The following UHRF2 variants were observed in gnomAD, a reference collection of about 807,000 sequenced individuals.
UHRF2 encodes ubiquitin like with PHD and ring finger domains 2, also known as E3 ubiquitin-protein ligase UHRF2.
In UHRF2, 23 loss-of-function variants were observed where a neutral mutation model predicts 96.8. That is an observed-to-expected ratio of 0.24 (90% CI 0.17 to 0.34). The LOEUF is 0.34. UHRF2 is among the 10% of genes least tolerant of loss of function. The pLI is 1.00. For missense variants in UHRF2, 685 were observed against 981.5 expected, an observed-to-expected ratio of 0.70 and a Z score of 4.04; for synonymous variants, 385 against 332.6, an observed-to-expected ratio of 1.16 and a Z score of -1.72.
chr9:6,458,508 C>G (rs1165352526), intron 3 of UHRF2, among the ~76,000 whole-genome samples: 4 of 150,564 alleles, frequency 2.7e-5, no homozygotes, highest in Non-Finnish European at 5.9e-5. Context: ...GTTCTGCTCT[C>G]ATCTTAGTTA....
chr9:6,476,290 T>C (rs1929932), intron 5 of UHRF2, among the ~76,000 whole-genome samples: 3 of 152,248 alleles, frequency 2.0e-5, no homozygotes, highest in Admixed American at 2.0e-4. Flanking sequence ...ATGCGTTTCT[T>C]GCTGTTTCTT....
At chr9:6,446,777 G>A (rs887454510) in intron 3 of UHRF2, among the ~76,000 whole-genome samples, 1 of 151,952 alleles carries the variant, frequency 6.6e-6, no homozygotes, top group African/African-American at 2.4e-5. Context: ...CCCAAGAAGT[G>A]GGGATTACAG....
chr9:6,429,224 C>G (rs1820439637), intron 2 of UHRF2, among the ~76,000 whole-genome samples: 1 of 151,914 alleles, frequency 6.6e-6, no homozygotes, highest in Admixed American at 6.6e-5. Flanking sequence ...GTTGGAGAAC[C>G]TGTATTCTCA....
At chr9:6,448,714 G>A (rs1018924067) in intron 3 of UHRF2, among the ~76,000 whole-genome samples, 2 of 152,198 alleles carry the variant, frequency 1.3e-5, no homozygotes, top group African/African-American at 4.8e-5. Context: ...AAATGTGGAG[G>A]TAAATAAGAT....
intron 11 of UHRF2, among the ~76,000 whole-genome samples, chr9:6,497,588 T>A (rs554724574): frequency 2.8e-4 from 43 of 151,620 alleles, no homozygotes; most frequent in Admixed American, 2.0e-3. Flanking sequence ...TTTTTTTTTT[T>A]AAAATGTAAG....
At chr9:6,501,661 G>C (rs761444341) in intron 14 of UHRF2, among the ~76,000 whole-genome samples, 2 of 152,164 alleles carry the variant, frequency 1.3e-5, no homozygotes, top group Non-Finnish European at 2.9e-5. Flanking sequence ...GCAAAATGAA[G>C]CTTACATGTT....
intron 14 of UHRF2, among the ~76,000 whole-genome samples, chr9:6,501,623 A>G (rs1040705610): frequency 1.3e-5 from 2 of 152,196 alleles, no homozygotes; most frequent in Non-Finnish European, 2.9e-5. Flanking sequence ...TCCTTTGTCT[A>G]TAAATGTGAT....
chr9:6,413,358 C>T lies in UHRF2; in HGVS notation c.-133C>T, dbSNP rs1391509640. 4.4e-6 allele frequency: 4 copies of T among 917,444 alleles called. No individual in the cohort carries two copies. The highest frequency in any genetic ancestry group is 4.9e-5 in the East Asian group (1 of 20,518). The allele number at this position is 917,444 out of a possible 1,614,324, so 56.8% of individuals were successfully genotyped here. ...CCGCCTGTCGGGCCCGGCGTCCGGT[C>T]GGTCCGGTGGGCGCGCTCGCCCGCC... On this transcript the variant is annotated 5_prime_UTR_variant, in exon 1 of 16. Coordinates refer to ENST00000276893, the MANE Select transcript of UHRF2 (RefSeq NM_152896.3).
intron 8 of UHRF2, among the ~76,000 whole-genome samples, chr9:6,486,071 G>A (rs1824273484): frequency 6.6e-6 from 1 of 152,132 alleles, no homozygotes; most frequent in African/African-American, 2.4e-5. Flanking sequence ...ATAGATAGGA[G>A]CCATATTTAG....
chr9:6,468,534 C>G (rs928017290), intron 4 of UHRF2: 4 of 455,962 alleles, frequency 8.8e-6, no homozygotes, highest in African/African-American at 2.0e-5. Flanking sequence ...CCTAGGGAAT[C>G]TGCTAATTCT....
At chr9:6,485,743 T>G (rs892334941) in intron 8 of UHRF2, among the ~76,000 whole-genome samples, 1 of 141,552 alleles carries the variant, frequency 7.1e-6, no homozygotes, top group African/African-American at 2.6e-5. Context: ...GCTGGAGGAT[T>G]GCTTGAGCCC....
chr9:6,458,304 T>G (rs575831693), intron 3 of UHRF2, among the ~76,000 whole-genome samples: 119 of 152,280 alleles, frequency 7.8e-4, no homozygotes, highest in Non-Finnish European at 1.4e-3. Flanking sequence ...TATTCTCTGA[T>G]GGTAGTTTGT....
intron 3 of UHRF2, among the ~76,000 whole-genome samples, chr9:6,448,405 T>C (rs913628877): frequency 2.6e-5 from 4 of 152,226 alleles, no homozygotes; most frequent in Admixed American, 6.5e-5. Flanking sequence ...TTCTATAATA[T>C]GTTCAAGAAG....
chr9:6,451,342 T>A (rs896354952), intron 3 of UHRF2, among the ~76,000 whole-genome samples: 1 of 152,270 alleles, frequency 6.6e-6, no homozygotes, highest in African/African-American at 2.4e-5. Flanking sequence ...TTTTGTTAAT[T>A]GTGTTTATAA....
At chr9:6,440,282 G>A (rs184054883) in intron 3 of UHRF2, among the ~76,000 whole-genome samples, 8 of 152,156 alleles carry the variant, frequency 5.3e-5, no homozygotes, top group South Asian at 2.1e-4. Context: ...CTTATGTGCC[G>A]GACTCTGAGC....
At chr9:6,422,922 T>G in intron 2 of UHRF2, 1 of 349,350 alleles carries the variant, frequency 2.9e-6, no homozygotes, top group Non-Finnish European at 5.1e-6. Context: ...ATGAAATTGA[T>G]TTATTTGGCT....
At chr9:6,413,815 G>C (rs1388661893) in intron 1 of UHRF2, 172 bp downstream of exon 1, 13 of 780,390 alleles carry the variant, frequency 1.7e-5, no homozygotes, top group Non-Finnish European at 2.2e-5. Flanking sequence ...CCGCCGAATG[G>C]TGGGGAGTGG....
At chr9:6,454,547 T>G (rs1361354548) in intron 3 of UHRF2, among the ~76,000 whole-genome samples, 1 of 152,090 alleles carries the variant, frequency 6.6e-6, no homozygotes, top group Non-Finnish European at 1.5e-5. Flanking sequence ...TTTCTTAGAG[T>G]TAAAACTGCC....
intron 4 of UHRF2, among the ~76,000 whole-genome samples, chr9:6,471,283 A>G (rs1823225233): frequency 6.6e-6 from 1 of 152,170 alleles, no homozygotes; most frequent in Non-Finnish European, 1.5e-5. Context: ...GTGCAGGAGA[A>G]ATATGTGTTG....
Sources: gnomAD v4.1 joint callset for allele counts (sites outside exome capture counted in the v4.1 genomes callset) on GRCh38, gnomAD v4.1.1 for gene constraint, MANE v1.5 for transcripts, NCBI Gene and HGNC (gene_info 2026-07-23, HGNC 2026-07-21) for gene names.